HOMER2: variants seen among roughly 807,000 people sequenced by gnomAD.
HOMER2 encodes homer scaffold protein 2.
In HOMER2, 27 loss-of-function variants were observed where a neutral mutation model predicts 47.0. The observed-to-expected ratio is 0.57, with a 90% CI of 0.42 to 0.79. The LOEUF is 0.79. HOMER2 is among the 30% of genes least tolerant of loss of function. The pLI is 0.00. For synonymous variants in HOMER2, 161 were observed against 163.8 expected (o/e 0.98, Z 0.13); for missense variants, 443 against 435.0 (o/e 1.02, Z -0.16).
chr15:82,979,100 G>A (rs1161134341), intron 1 of HOMER2, among the ~76,000 whole-genome samples: 6 of 152,198 alleles, frequency 3.9e-5, no homozygotes, highest in South Asian at 2.1e-4. Context: ...AAAGAAGGAC[G>A]TGTTTGCTTC....
chr15:82,862,789 G>C (rs1181446787), intron 4 of HOMER2, among the ~76,000 whole-genome samples: 5 of 152,162 alleles, frequency 3.3e-5, no homozygotes. Context: ...GTATTGGAAA[G>C]ACAACTCAAG....
At position 82,892,796 on chromosome 15, in the gene HOMER2, G is replaced by A; in HGVS notation, c.51C>T (p.Asp17=). ...FTTRAHVFQI[D]PNTKKNWMPA... ...GCATCCAGTTCTTCTTGGTGTTGGGGTCAATCTGGAAGACATGCGCTCGGG... is the reference window on the plus strand; with the variant it reads ...GCATCCAGTTCTTCTTGGTGTTGGGATCAATCTGGAAGACATGCGCTCGGG... Residue 17 remains aspartate, a synonymous_variant, in exon 2 of 9, where the codon GAC becomes GAT. Transcript: ENST00000450735. 2 of 1,606,192 alleles carry A rather than the reference G, an allele frequency of 1.2e-6. No individual in the cohort carries two copies. The highest frequency in any genetic ancestry group is 1.3e-5 in the African/African-American group (1 of 74,970).
At chr15:82,844,887 G>A (rs1453454690), downstream of HOMER2, 2 of 152,192 alleles carry the variant, frequency 1.3e-5, no homozygotes, top group African/African-American at 4.8e-5. Context: ...CAATAGCACA[G>A]CCTCACAGCT....
At chr15:82,873,303 G>A (rs1416054793) in intron 3 of HOMER2, among the ~76,000 whole-genome samples, 1 of 152,194 alleles carries the variant, frequency 6.6e-6, no homozygotes, top group African/African-American at 2.4e-5. Flanking sequence ...AATAGATACT[G>A]TGGACCGCCA....
At chr15:82,945,951 C>A (rs2054370560) in intron 1 of HOMER2, among the ~76,000 whole-genome samples, 1 of 151,146 alleles carries the variant, frequency 6.6e-6, no homozygotes, top group African/African-American at 2.4e-5. Flanking sequence ...GCATGGGCAA[C>A]AGAGTGAGAC....
Position 82,904,889 on chromosome 15 carries a change from G to A in HOMER2, c.6-12048C>T, listed in dbSNP as rs1003522394. ...CAAAAAATTACAAAGCACACCAAAA[G>A]TAAAAAAATAAAATAAAAAATAGTT... On this transcript the variant is annotated intron_variant, in intron 1 of 8. Transcript: ENST00000450735. Among the ~76,000 whole-genome samples, 85 of 151,894 alleles carry A rather than the reference G, an allele frequency of 5.6e-4. 1 individual carries two copies. Among genetic ancestry groups the A allele is most frequent in the African/African-American group, 1.9e-3 (78 of 41,346 alleles).
At chr15:82,964,167 C>A (rs979492323) in intron 1 of HOMER2, among the ~76,000 whole-genome samples, 1 of 152,114 alleles carries the variant, frequency 6.6e-6, no homozygotes, top group Non-Finnish European at 1.5e-5. Context: ...CACTGGACAC[C>A]AACTATAATT....
At chr15:82,981,040 G>C (rs886147719) in intron 1 of HOMER2, among the ~76,000 whole-genome samples, 1 of 152,190 alleles carries the variant, frequency 6.6e-6, no homozygotes, top group Non-Finnish European at 1.5e-5. Flanking sequence ...GAGCAAGTGT[G>C]GGGGTGGAAG....
chr15:82,978,435 A>G (rs2030280570), intron 1 of HOMER2, among the ~76,000 whole-genome samples: 1 of 152,156 alleles, frequency 6.6e-6, no homozygotes, highest in African/African-American at 2.4e-5. Flanking sequence ...ATGGAAGCTC[A>G]CCTGAAAAGG....
chr15:82,859,334 AAAG>A (rs1384441662), intron 4 of HOMER2, 199 bp from the exon 5 acceptor site: 1 of 688,150 alleles, frequency 1.5e-6, no homozygotes, highest in Admixed American at 2.9e-5. Flanking sequence ...AACAAACAAA[AAAG>A]AAAACAAAAC....
At chr15:82,858,892 C>T (rs2051678894) in intron 5 of HOMER2, 137 bp downstream of exon 5, 2 of 1,000,394 alleles carry the variant, frequency 2.0e-6, no homozygotes, top group South Asian at 3.5e-5. Flanking sequence ...CTTCCTTTCA[C>T]CAGGAGACAA....
At chr15:82,901,922 C>T (rs8027491) in intron 1 of HOMER2, among the ~76,000 whole-genome samples, 122 of 152,338 alleles carry the variant, frequency 8.0e-4, no homozygotes, top group African/African-American at 2.6e-3. Flanking sequence ...AGGTATCTGT[C>T]GTGTTAGCCA....
rs191907343 is a variant in HOMER2, at chr15:82,849,214, C to G, written c.*501G>C. 3.3e-5 allele frequency: 5 copies of G among 152,548 alleles called. No individual in the cohort carries two copies. The highest frequency in any genetic ancestry group is 3.3e-4 in the Admixed American group (5 of 15,322). The allele number at this position is 152,548 out of a possible 1,614,324, so 9.4% of individuals were successfully genotyped here. A position where few individuals can be genotyped will look rare whatever the true frequency, so the allele number is the denominator to read the frequency against. ...CACCAGAAGCTTGTTTTCCATCTCT[C>G]AGAAAGTTTCCACTAAACAGTTGTT... On this transcript the variant is annotated 3_prime_UTR_variant, in exon 9 of 9. Coordinates refer to ENST00000450735, the MANE Select transcript of HOMER2 (RefSeq NM_004839.4).
intron 1 of HOMER2, among the ~76,000 whole-genome samples, chr15:82,928,579 T>C (rs1016879479): frequency 1.3e-5 from 2 of 152,138 alleles, no homozygotes; most frequent in African/African-American, 2.4e-5. Context: ...TAGGTTCAGA[T>C]CATAATTTTA....
intron 1 of HOMER2, chr15:82,959,324 G>A (rs527946565): frequency 6.6e-6 from 1 of 152,434 alleles, no homozygotes; most frequent in East Asian, 1.9e-4. Flanking sequence ...GGAAAATCAA[G>A]GTAAATAGAT....
chr15:82,892,246 A>G (rs1443930125), intron 2 of HOMER2, among the ~76,000 whole-genome samples: 5 of 152,202 alleles, frequency 3.3e-5, no homozygotes, highest in Non-Finnish European at 7.3e-5. Context: ...CTTCTGGAAA[A>G]CAATCTGGCA....
chr15:82,838,708 C>G (rs1438772615), exon 2 of HOMER2: 1 of 152,184 alleles, frequency 6.6e-6, no homozygotes, highest in African/African-American at 2.4e-5. Context: ...ATGTAAGCTC[C>G]CCAGAACTGT....
chr15:82,971,106 G>A (rs1270377175), intron 1 of HOMER2, among the ~76,000 whole-genome samples: 2 of 152,104 alleles, frequency 1.3e-5, no homozygotes, highest in Non-Finnish European at 2.9e-5. Context: ...ATTAATACAC[G>A]GGCACCTGTT....
intron 1 of HOMER2, 106 bp from the exon 2 acceptor site, chr15:82,892,947 G>A: frequency 2.4e-6 from 2 of 830,750 alleles, no homozygotes; most frequent in East Asian, 2.7e-5. Context: ...AGCTTATAGG[G>A]AAACATACAT....
Sources: gnomAD v4.1 joint callset for allele counts (sites outside exome capture counted in the v4.1 genomes callset) on GRCh38, gnomAD v4.1.1 for gene constraint, MANE v1.5 for transcripts, NCBI Gene and HGNC (gene_info 2026-07-23, HGNC 2026-07-21) for gene names.